Variants in NFYB observed in about 807,000 individuals in gnomAD.
NFYB encodes CAAT box DNA-binding protein subunit B.
A neutral mutation model predicts 28.0 loss-of-function variants in NFYB; 13 were observed. That is an observed-to-expected ratio of 0.46 (90% CI 0.30 to 0.74). NFYB has a LOEUF of 0.74. NFYB is among the 30% of genes least tolerant of loss of function. The pLI is 0.07. For synonymous variants in NFYB, 74 were observed against 75.0 expected, an observed-to-expected ratio of 0.99 and a Z score of 0.07; for missense variants, 142 against 247.6, an observed-to-expected ratio of 0.57 and a Z score of 2.86.
intron 6 of NFYB, among the ~76,000 whole-genome samples, chr12:104,120,698 A>G (rs149142134): frequency 2.6e-5 from 4 of 152,302 alleles, no homozygotes; most frequent in Admixed American, 6.5e-5. Flanking sequence ...TATCTCTAAC[A>G]TGTACCTTAG....
chr12:104,137,013 T>A (rs1401208876), intron 1 of NFYB, among the ~76,000 whole-genome samples: 1 of 152,206 alleles, frequency 6.6e-6, no homozygotes, highest in Non-Finnish European at 1.5e-5. Context: ...AAACTTTCAA[T>A]ACTTTACAAA....
intron 1 of NFYB, among the ~76,000 whole-genome samples, chr12:104,136,580 G>C (rs1458645553): frequency 2.0e-5 from 3 of 152,236 alleles, no homozygotes; most frequent in African/African-American, 7.2e-5. Flanking sequence ...ATTTTTTAAA[G>C]AGTGTCTTTG....
At chr12:104,122,687 C>A (rs990639545) in intron 5 of NFYB, among the ~76,000 whole-genome samples, 1 of 152,128 alleles carries the variant, frequency 6.6e-6, no homozygotes, top group African/African-American at 2.4e-5. Flanking sequence ...ACCCCTCGCA[C>A]CCCTCCCCTG....
At chr12:104,136,691 C>CACTG (rs1162690945) in intron 1 of NFYB, among the ~76,000 whole-genome samples, 2 of 152,198 alleles carry the variant, frequency 1.3e-5, no homozygotes, top group African/African-American at 4.8e-5. Context: ...TACCACACCA[C>CACTG]ACTCACTCAC....
At chr12:104,128,322 T>C in intron 3 of NFYB, 102 bp downstream of exon 3, 1 of 697,388 alleles carries the variant, frequency 1.4e-6, no homozygotes, top group Non-Finnish European at 2.3e-6. Context: ...ATTGTAAATT[T>C]TCCTATAAAG....
At chr12:104,137,598 AC>A (rs2031156099) in intron 1 of NFYB, 1 of 150,400 alleles carries the variant, frequency 6.6e-6, no homozygotes, top group South Asian at 1.9e-4. Flanking sequence ...CCCGCGCCCA[AC>A]GCCTGCCTCC....
At position 104,123,232 on chromosome 12, in the gene NFYB, G is replaced by T. The variant is rs2030550287; in HGVS notation, c.423C>A (p.Phe141Leu). 2 of 1,605,274 alleles carry T rather than the reference G, an allele frequency of 1.2e-6. No individual in the cohort carries two copies. The highest frequency in any genetic ancestry group is 1.1e-5 in the South Asian group (1 of 89,234). The change falls in exon 5 of 8, where the codon TTC becomes TTA. Residue 141 changes from phenylalanine (F) to leucine (L), a missense_variant. Physicochemically the swap from Phe to Leu is conservative, Grantham distance 22. Around this residue, in one of 2 missense-constraint regions of NFYB, gnomAD observed 88 missense variants for 189.5 expected, o/e 0.46. Coordinates refer to ENST00000240055, the MANE Select transcript of NFYB (RefSeq NM_006166.4). ...VEPLKLYLQK[F>L]REAMKGEKGI... ...TGGGAGATATTTTATTTACCTCTCT[G>T]AATTTCTGAAGGTATAATTTCAGAG...
chr12:104,127,215 T>C (rs1384452681), intron 3 of NFYB, among the ~76,000 whole-genome samples: 1 of 152,190 alleles, frequency 6.6e-6, no homozygotes, highest in Admixed American at 6.5e-5. Flanking sequence ...TGAATATCCG[T>C]TTCAGGATGA....
intron 2 of NFYB, among the ~76,000 whole-genome samples, chr12:104,133,841 C>G (rs1171098515): frequency 6.6e-6 from 1 of 152,160 alleles, no homozygotes; most frequent in Non-Finnish European, 1.5e-5. Flanking sequence ...CTTAGTCTCC[C>G]TCATTAAGCA....
intron 2 of NFYB, 70 bp downstream of exon 2, chr12:104,135,378 G>C: frequency 7.1e-7 from 1 of 1,401,712 alleles, no homozygotes; most frequent in Non-Finnish European, 9.8e-7. Context: ...GTATAAATTG[G>C]TTACAATTTT....
chr12:104,125,421 A>G, intron 4 of NFYB: 1 of 149,590 alleles, frequency 6.7e-6, no homozygotes, highest in Non-Finnish European at 1.5e-5. Flanking sequence ...TGGGAGGTGG[A>G]GGTTGCAATG....
intron 2 of NFYB, among the ~76,000 whole-genome samples, chr12:104,135,165 A>G (rs888621256): frequency 6.6e-6 from 1 of 152,238 alleles, no homozygotes; most frequent in Non-Finnish European, 1.5e-5. Context: ...CATTCTGGGC[A>G]TAACTGTCCC....
chr12:104,127,500 G>A (rs936984370), intron 3 of NFYB, among the ~76,000 whole-genome samples: 10 of 151,268 alleles, frequency 6.6e-5, no homozygotes, highest in African/African-American at 1.9e-4. Flanking sequence ...CCCAGGAGGC[G>A]GAGGTTGCAG....
chr12:104,123,113 T>C, intron 5 of NFYB, 113 bp downstream of exon 5: 1 of 748,480 alleles, frequency 1.3e-6, no homozygotes, highest in Non-Finnish European at 2.1e-6. Context: ...GAGGCAGAGG[T>C]TGCAGTGAGC....
intron 3 of NFYB, 100 bp downstream of exon 3, chr12:104,128,324 C>T: frequency 2.8e-6 from 2 of 705,632 alleles, no homozygotes; most frequent in South Asian, 2.5e-5. Flanking sequence ...TGTAAATTTT[C>T]CTATAAAGAC....
intron 2 of NFYB, among the ~76,000 whole-genome samples, chr12:104,132,423 G>A (rs2030958353): frequency 1.3e-5 from 2 of 152,100 alleles, no homozygotes; most frequent in South Asian, 4.1e-4. Flanking sequence ...AAATCCCTCT[G>A]GCTACAGTTC....
intron 1 of NFYB, among the ~76,000 whole-genome samples, chr12:104,137,204 CTAACCT>C (rs1323234897): frequency 6.6e-6 from 1 of 152,152 alleles, no homozygotes; most frequent in African/African-American, 2.4e-5. Flanking sequence ...CGCAGGCTAC[CTAACCT>C]TGTTTAAATT....
intron 2 of NFYB, among the ~76,000 whole-genome samples, chr12:104,129,960 T>G (rs1176627723): frequency 6.6e-6 from 1 of 152,072 alleles, no homozygotes; most frequent in East Asian, 1.9e-4. Context: ...AATTCCTATT[T>G]TAAAAAAAGC....
Position 104,120,492 on chromosome 12 carries a change from A to C in NFYB, c.512-13T>G, listed in dbSNP as rs571300554. 1.3e-6 allele frequency: 2 copies of C among 1,596,306 alleles called. No homozygotes were observed. The highest frequency in any genetic ancestry group is 2.2e-5 in the East Asian group (1 of 44,780). On this transcript the variant is annotated splice_polypyrimidine_tract_variant and intron_variant, in intron 6 of 7. Coordinates refer to ENST00000240055, the MANE Select transcript of NFYB (RefSeq NM_006166.4). ...GGTAACTGGTTAGCTAAAAGAAAAA[A>C]AATTAGTTAAAGAGGGAAATGAACT...
Sources: gnomAD v4.1 joint callset for allele counts (sites outside exome capture counted in the v4.1 genomes callset) on GRCh38, gnomAD v4.1.1 for gene constraint, gnomAD v4.1.1 regional missense constraint, MANE v1.5 for transcripts, NCBI Gene and HGNC (gene_info 2026-07-23, HGNC 2026-07-21) for gene names.